USH2A: variants seen among roughly 807,000 people sequenced by gnomAD.
USH2A encodes the protein Usher syndrome 2A (autosomal recessive, mild).
A neutral mutation model predicts 538.9 loss-of-function variants in USH2A; 443 were observed. The observed-to-expected ratio is 0.82, with a 90% CI of 0.76 to 0.89. USH2A has a LOEUF of 0.89. Among genes scored for constraint, USH2A ranks in the 40% least tolerant of loss-of-function variants. USH2A has a pLI of 0.00. For missense variants in USH2A, 6,633 were observed against 6,324.8 expected (o/e 1.05, Z -1.65); for synonymous variants, 2,413 against 2,273.5 (o/e 1.06, Z -1.75).
At chr1:216,158,263 T>A (rs2033988652) in intron 21 of USH2A, among the ~76,000 whole-genome samples, 1 of 152,122 alleles carries the variant, frequency 6.6e-6, no homozygotes, top group Non-Finnish European at 1.5e-5. Context: ...AGAGACAGGA[T>A]CTTGCTCTGT....
rs1298625061 is a variant in USH2A, at chr1:216,247,197, A to G, written c.2197T>C (p.Phe733Leu). ...TCATTAAAGCTTCGGAGAAATTTAAATCCAAAATTGCAATGATCACACCTA... is the reference window on the plus strand; with the variant it reads ...TCATTAAAGCTTCGGAGAAATTTAAGTCCAAAATTGCAATGATCACACCTA... ...GLRCDHCNFG[F>L]KFLRSFNDVG... is the part of the protein sequence containing the mutation. The change falls in exon 13 of 72, where the codon TTT becomes CTT. Residue 733 changes from phenylalanine to leucine, a missense_variant. Phe to Leu is a conservative substitution (Grantham distance 22). Transcript: ENST00000307340. 6.2e-7 allele frequency: 1 copy of G among 1,613,946 alleles called. No individual in the cohort carries two copies. Among genetic ancestry groups the G allele is most frequent in the Non-Finnish European group, 8.5e-7 (1 of 1,179,942 alleles).
At chr1:216,209,068 T>G (rs1182454600) in intron 15 of USH2A, among the ~76,000 whole-genome samples, 1 of 152,184 alleles carries the variant, frequency 6.6e-6, no homozygotes, top group Non-Finnish European at 1.5e-5. Flanking sequence ...ATAGTGGGGA[T>G]CCAGATGTCA....
chr1:216,224,222 G>A (rs2035518306), intron 14 of USH2A, among the ~76,000 whole-genome samples: 1 of 152,148 alleles, frequency 6.6e-6, no homozygotes, highest in Non-Finnish European at 1.5e-5. Flanking sequence ...GCAGTCCTGG[G>A]GGCTATGGGG....
chr1:215,864,900 A>G (rs1664431061), intron 44 of USH2A, among the ~76,000 whole-genome samples: 1 of 152,290 alleles, frequency 6.6e-6, no homozygotes, highest in South Asian at 2.1e-4. Flanking sequence ...TACCAAAATG[A>G]TGTGTACATG....
At chr1:215,804,848 G>A (rs1428471498) in intron 49 of USH2A, among the ~76,000 whole-genome samples, 2 of 152,112 alleles carry the variant, frequency 1.3e-5, no homozygotes, top group African/African-American at 2.4e-5. Flanking sequence ...TGTTTATTGC[G>A]GCACTATTCA....
intron 30 of USH2A, among the ~76,000 whole-genome samples, chr1:216,057,391 G>T (rs1032339509): frequency 3.3e-5 from 5 of 151,942 alleles, no homozygotes; most frequent in Non-Finnish European, 5.9e-5. Context: ...GAAATATTTT[G>T]TAGCCTGTAA....
intron 20 of USH2A, among the ~76,000 whole-genome samples, chr1:216,180,508 T>G (rs532450517): frequency 2.4e-4 from 37 of 152,128 alleles, no homozygotes; most frequent in Non-Finnish European, 4.4e-4. Flanking sequence ...CATTTAGACT[T>G]GCAAAATTTA....
chr1:215,635,629 C>T (rs1326780461), intron 69 of USH2A, among the ~76,000 whole-genome samples: 1 of 151,644 alleles, frequency 6.6e-6, no homozygotes, highest in Non-Finnish European at 1.5e-5. Context: ...GATCTCCGCT[C>T]ACTGCAACCT....
intron 3 of USH2A, among the ~76,000 whole-genome samples, chr1:216,405,195 A>T (rs1159112588): frequency 6.6e-6 from 1 of 152,192 alleles, no homozygotes; most frequent in African/African-American, 2.4e-5. Flanking sequence ...AAATAAAAAA[A>T]ATCTTTTAGA....
chr1:216,152,308 T>C (rs2033853365), intron 21 of USH2A, among the ~76,000 whole-genome samples: 1 of 152,188 alleles, frequency 6.6e-6, no homozygotes, highest in Non-Finnish European at 1.5e-5. Context: ...AAGAAGTGAA[T>C]ATGTCCTGCC....
At chr1:215,974,567 C>T (rs958933721) in intron 35 of USH2A, among the ~76,000 whole-genome samples, 1 of 152,132 alleles carries the variant, frequency 6.6e-6, no homozygotes, top group African/African-American at 2.4e-5. Context: ...TTAGCTCCCA[C>T]TTATAAATGA....
chr1:216,052,397 C>T (rs1336254823), intron 30 of USH2A, among the ~76,000 whole-genome samples: 2 of 150,612 alleles, frequency 1.3e-5, no homozygotes, highest in Admixed American at 6.6e-5. Flanking sequence ...AAGAAGAAAG[C>T]TGATGTTTTG....
chr1:216,353,545 A>T (rs191530022), intron 4 of USH2A, among the ~76,000 whole-genome samples: 1 of 152,274 alleles, frequency 6.6e-6, no homozygotes, highest in Non-Finnish European at 1.5e-5. Flanking sequence ...AAATTAGAGG[A>T]GGTAATTAAA....
intron 37 of USH2A, among the ~76,000 whole-genome samples, chr1:215,952,417 TC>T (rs1422018448): frequency 6.6e-6 from 1 of 152,180 alleles, no homozygotes; most frequent in East Asian, 1.9e-4. Context: ...TGTGATCCTG[TC>T]ATTATGATGT....
chr1:215,851,904 G>A (rs1664028464), intron 44 of USH2A, among the ~76,000 whole-genome samples: 1 of 152,056 alleles, frequency 6.6e-6, no homozygotes, highest in African/African-American at 2.4e-5. Flanking sequence ...CAATAAATGT[G>A]ATACACCCCA....
intron 11 of USH2A, among the ~76,000 whole-genome samples, chr1:216,288,530 G>C (rs1240409331): frequency 2.0e-5 from 3 of 152,038 alleles, no homozygotes; most frequent in African/African-American, 7.2e-5. Context: ...TCTATAACTG[G>C]ATTGTGGTTT....
At chr1:216,181,962 G>A (rs10495020) in intron 20 of USH2A, among the ~76,000 whole-genome samples, 9,794 of 152,032 alleles carry the variant, frequency 0.064, 1,020 homozygotes, top group African/African-American at 0.22. Context: ...AGAAAGTAGC[G>A]TCACTGATCT....
At chr1:216,279,435 C>A (rs1461653248) in intron 11 of USH2A, among the ~76,000 whole-genome samples, 2 of 152,072 alleles carry the variant, frequency 1.3e-5, no homozygotes, top group East Asian at 3.9e-4. Context: ...ACTCACAACT[C>A]CCCTACCCCC....
chr1:215,842,536 T>C (rs903884315), intron 46 of USH2A, among the ~76,000 whole-genome samples: 8 of 152,208 alleles, frequency 5.3e-5, no homozygotes, highest in East Asian at 1.9e-4. Context: ...CTATTAACAA[T>C]AGCAATGACA....
Sources: allele counts gnomAD v4.1 joint callset (sites outside exome capture counted in the v4.1 genomes callset), GRCh38; gene constraint gnomAD v4.1.1; transcripts MANE v1.5; gene names NCBI Gene and HGNC (gene_info 2026-07-23, HGNC 2026-07-21).